ADGRA3: variants seen among roughly 807,000 people sequenced by gnomAD.
ADGRA3 encodes the protein adhesion G protein-coupled receptor A3.
In ADGRA3, 56 loss-of-function variants were observed where a neutral mutation model predicts 119.8. The observed-to-expected ratio is 0.47, with a 90% CI of 0.38 to 0.58. ADGRA3 has a LOEUF of 0.58. Ranked by LOEUF, ADGRA3 falls within the 20% of genes least tolerant of loss-of-function variation. The pLI is 0.00. For missense variants in ADGRA3, 1,516 were observed against 1,649.0 expected (o/e 0.92, Z 1.40); for synonymous variants, 607 against 623.8 (o/e 0.97, Z 0.40).
At position 22,498,900 on chromosome 4, in the gene ADGRA3, C is replaced by T. The variant is rs547753689; in HGVS notation, c.257+16628G>A. On this transcript the variant is annotated intron_variant, in intron 1 of 18. Coordinates refer to ENST00000334304, the MANE Select transcript of ADGRA3 (RefSeq NM_145290.4). ...CTGCGCTCCAGCTTGGGCGACACAG[C>T]GAGACTCGTCTCAAAAAAAAAACAA... Among the ~76,000 whole-genome samples the T allele has an allele frequency of 4.2e-5, 6 of 141,528 alleles. No individual in the cohort carries two copies. In the South Asian group the frequency reaches 1.4e-3, roughly 34 times the overall value. 92.8% of individuals were successfully genotyped at this position (141,528 alleles called of 152,430 possible). A position where few individuals can be genotyped will look rare whatever the true frequency, so the allele number is the denominator to read the frequency against.
In ADGRA3 at chr4:22,435,992, T is replaced by C. The variant is rs558679462; in HGVS notation, c.1287+448A>G. Among the ~76,000 whole-genome samples, 3 of 152,174 alleles carry C rather than the reference T, an allele frequency of 2.0e-5. No homozygotes were observed. In the East Asian group the frequency reaches 5.8e-4, roughly 29 times the overall value. On this transcript the variant is annotated intron_variant, in intron 9 of 18. Coordinates refer to ENST00000334304, the MANE Select transcript of ADGRA3 (RefSeq NM_145290.4). ...CCAGGTGCTAAGGGGCAAAAGAAAATACATTACACAAAAGCCATCTTCCAC... is the reference window on the plus strand; with the variant it reads ...CCAGGTGCTAAGGGGCAAAAGAAAACACATTACACAAAAGCCATCTTCCAC...
At position 22,515,819 on chromosome 4, in the gene ADGRA3, G is replaced by A; in HGVS notation, c.-35C>T. On this transcript the variant is annotated 5_prime_UTR_variant, in exon 1 of 19. Coordinates refer to ENST00000334304, the MANE Select transcript of ADGRA3 (RefSeq NM_145290.4). ...CGGGGCCTGCGGGGCGAGCGGCGGC[G>A]CACTGGCCTAGCGGGCCGCCCCGGA... 2.0e-6 allele frequency: 2 copies of A among 986,688 alleles called. No homozygotes were observed. Among genetic ancestry groups the A allele is most frequent in the Non-Finnish European group, 2.4e-6 (2 of 832,646 alleles). The allele number at this position is 986,688 out of a possible 1,614,324, so 61.1% of individuals were successfully genotyped here.
rs1472663450 is a variant in ADGRA3, at chr4:22,388,411, G to C, written c.3260C>G (p.Pro1087Arg). Residue 1087 changes from proline to arginine, a missense_variant, in exon 19 of 19, where the codon CCC becomes CGC. Pro to Arg is a moderately radical substitution (Grantham distance 103). Coordinates refer to ENST00000334304, the MANE Select transcript of ADGRA3 (RefSeq NM_145290.4). Reference protein sequence around the residue: ...PNSNGTNGEAPKCPNSSAESS... With the variant: ...PNSNGTNGEARKCPNSSAESS... ...CTCCGCACTGCTATTGGGGCATTTG[G>C]GTGCCTCTCCATTCGTCCCATTAGA... 2 of 1,614,010 alleles carry C rather than the reference G, an allele frequency of 1.2e-6. No individual in the cohort carries two copies. The highest frequency in any genetic ancestry group is 2.2e-5 in the South Asian group (2 of 91,076).
At chr4:22,479,466 T>TG (rs563684154) in intron 1 of ADGRA3, among the ~76,000 whole-genome samples, 1 of 111,766 alleles carries the variant, frequency 8.9e-6, no homozygotes, top group African/African-American at 3.1e-5. Flanking sequence ...CTGTCTCAAA[T>TG]AAAAAAAAAA....
intron 2 of ADGRA3, 121 bp from the exon 3 acceptor site, chr4:22,461,929 C>T: frequency 1.8e-6 from 1 of 544,538 alleles, no homozygotes; most frequent in Non-Finnish European, 3.1e-6. Flanking sequence ...GAAACTGAAG[C>T]CAAAAGGGTT....
chr4:22,490,464 T>C (rs907264454), intron 1 of ADGRA3, among the ~76,000 whole-genome samples: 1 of 152,210 alleles, frequency 6.6e-6, no homozygotes, highest in Non-Finnish European at 1.5e-5. Context: ...TCTGAGTCTC[T>C]GATTTTTTTT....
chr4:22,446,112 AAC>A (rs1248956231), intron 5 of ADGRA3, among the ~76,000 whole-genome samples: 1 of 152,240 alleles, frequency 6.6e-6, no homozygotes, highest in African/African-American at 2.4e-5. Context: ...GTGTGCTTCT[AAC>A]ACAGCTAGAG....
chr4:22,500,123 T>C (rs1187614615), intron 1 of ADGRA3, among the ~76,000 whole-genome samples: 2 of 152,220 alleles, frequency 1.3e-5, no homozygotes, highest in Non-Finnish European at 2.9e-5. Flanking sequence ...GCACTTTGCT[T>C]TTCCCGTCTG....
intron 1 of ADGRA3, among the ~76,000 whole-genome samples, chr4:22,489,867 G>C (rs1230448824): frequency 6.6e-6 from 1 of 152,122 alleles, no homozygotes; most frequent in African/African-American, 2.4e-5. Flanking sequence ...TCAACAGGTA[G>C]CATATACTAT....
At chr4:22,455,157 A>G (rs1268812263) in intron 3 of ADGRA3, among the ~76,000 whole-genome samples, 1 of 152,232 alleles carries the variant, frequency 6.6e-6, no homozygotes, top group African/African-American at 2.4e-5. Flanking sequence ...ATGCTGCTCA[A>G]TTATAGTGCC....
chr4:22,483,033 G>T (rs189480431), intron 1 of ADGRA3, among the ~76,000 whole-genome samples: 8 of 152,292 alleles, frequency 5.3e-5, no homozygotes, highest in African/African-American at 9.6e-5. Context: ...GCAGACTTCT[G>T]GTGGGCAATC....
At chr4:22,445,367 GCAAA>G (rs1304881741) in intron 5 of ADGRA3, among the ~76,000 whole-genome samples, 3 of 152,054 alleles carry the variant, frequency 2.0e-5, no homozygotes, top group Non-Finnish European at 4.4e-5. Context: ...AATTTTGTAG[GCAAA>G]CAAAGACTCT....
chr4:22,433,032 A>T lies in ADGRA3; in HGVS notation c.1443+2279T>A, dbSNP rs1356672008. ...CAAGCCTCCTAGTTTTTTTCACTAC[A>T]CTAATAAATGGTGAAAGCTATGGCC... On this transcript the variant is annotated intron_variant, in intron 10 of 18. Transcript: ENST00000334304. 2.0e-5 allele frequency among the ~76,000 whole-genome samples: 3 copies of T among 152,192 alleles called. No homozygotes were observed. In the East Asian group the frequency reaches 5.8e-4, roughly 29 times the overall value.
chr4:22,456,577 G>T (rs1218725667), intron 3 of ADGRA3, among the ~76,000 whole-genome samples: 1 of 152,160 alleles, frequency 6.6e-6, no homozygotes, highest in Non-Finnish European at 1.5e-5. Context: ...GCCTTGGACT[G>T]GGGACTGCAA....
rs141620526 is a variant in ADGRA3 at position 22,475,762 on chromosome 4, A to G, written c.258-1919T>C. ...ATAAATAAATAAAAAAAAAAGAATGACACATTGGACTTCGAGGAAAGGGTG... is the reference window on the plus strand; with the variant it reads ...ATAAATAAATAAAAAAAAAAGAATGGCACATTGGACTTCGAGGAAAGGGTG... On this transcript the variant is annotated intron_variant, in intron 1 of 18. Coordinates refer to ENST00000334304, the MANE Select transcript of ADGRA3 (RefSeq NM_145290.4). 5.6e-3 allele frequency among the ~76,000 whole-genome samples: 851 copies of G among 151,994 alleles called. 12 individuals are homozygous for G. The highest frequency in any genetic ancestry group is 0.019 in the African/African-American group (801 of 41,440).
Position 22,453,205 on chromosome 4 carries a change from AAAAAAAAAAAAAG to A in ADGRA3, c.473+1648_473+1660del, listed in dbSNP as rs1253101208. Among the ~76,000 whole-genome samples the A allele has an allele frequency of 8.6e-5, 5 of 58,230 alleles. No homozygotes were observed. In the South Asian group the frequency reaches 3.5e-3, roughly 40 times the overall value. The allele number at this position is 58,230 out of a possible 152,430, so 38.2% of individuals were successfully genotyped here. ...GACAGAGCGAGACTCCATCTCAAAAAAAAAAAAAAAAAGAAAGAAAAAGTAAAAATACAAAAAG... is the reference window on the plus strand; with the variant it reads ...GACAGAGCGAGACTCCATCTCAAAAAAAAGAAAAAGTAAAAATACAAAAAG... On this transcript the variant is annotated intron_variant, in intron 4 of 18. Coordinates refer to ENST00000334304, the MANE Select transcript of ADGRA3 (RefSeq NM_145290.4).
chr4:22,423,769 C>A (rs906650384), intron 11 of ADGRA3, among the ~76,000 whole-genome samples: 2 of 152,166 alleles, frequency 1.3e-5, no homozygotes, highest in African/African-American at 2.4e-5. Flanking sequence ...GGGCCCAGAA[C>A]AGAGTATTAG....
intron 1 of ADGRA3, among the ~76,000 whole-genome samples, chr4:22,487,742 A>G (rs990279118): frequency 6.6e-6 from 1 of 152,218 alleles, no homozygotes; most frequent in African/African-American, 2.4e-5. Context: ...GCATTCGGCA[A>G]GCACTACCTG....
chr4:22,399,542 T>A, intron 16 of ADGRA3, among the ~76,000 whole-genome samples: 1 of 152,050 alleles, frequency 6.6e-6, no homozygotes, highest in African/African-American at 2.4e-5. Flanking sequence ...AGTTTAATCT[T>A]TTTTCAAATG....
Sources: gnomAD v4.1 joint callset for allele counts (sites outside exome capture counted in the v4.1 genomes callset) on GRCh38, gnomAD v4.1.1 for gene constraint, MANE v1.5 for transcripts, NCBI Gene and HGNC (gene_info 2026-07-23, HGNC 2026-07-21) for gene names.